The following CD9 variants were observed in gnomAD, a reference collection of about 807,000 sequenced individuals.
The protein encoded by CD9 is CD9 molecule.
Under a neutral mutation model 31.4 loss-of-function variants are expected in CD9, and 10 were observed. That is an observed-to-expected ratio of 0.32 (90% CI 0.20 to 0.54). CD9 has a LOEUF of 0.54. CD9 is among the 20% of genes least tolerant of loss of function. CD9 has a pLI of 0.94. For missense variants in CD9, 259 were observed against 300.1 expected, an observed-to-expected ratio of 0.86 and a Z score of 1.01; for synonymous variants, 113 against 114.1, an observed-to-expected ratio of 0.99 and a Z score of 0.06.
chr12:6,233,182 C>T (rs1403610029), intron 3 of CD9: 1 of 647,938 alleles, frequency 1.5e-6, no homozygotes, highest in Non-Finnish European at 2.8e-6. Context: ...CTCAGCTGTG[C>T]TCAGCTCTTT....
At chr12:6,228,681 C>G (rs749862490) in intron 2 of CD9, among the ~76,000 whole-genome samples, 1 of 152,128 alleles carries the variant, frequency 6.6e-6, no homozygotes, top group Non-Finnish European at 1.5e-5. Context: ...GGCAAAGGGC[C>G]AAGGAGGCGT....
chr12:6,200,539 C>T lies in CD9; in HGVS notation c.40C>T (p.Leu14=), dbSNP rs752053021. The T allele has an allele frequency of 3.7e-6, 6 of 1,610,674 alleles. No individual in the cohort carries two copies. Among genetic ancestry groups the T allele is most frequent in the Non-Finnish European group, 3.4e-6 (4 of 1,177,670 alleles). ...AGGCACCAAGTGCATCAAATACCTG[C>T]TGTTCGGATTTAACTTCATCTTCTG... ...KGGTKCIKYL[L]FGFNFIFWLA... is the part of the protein sequence containing the mutation. Residue 14 remains leucine (L), a synonymous_variant, in exon 1 of 8, where the codon CTG becomes TTG. Coordinates refer to ENST00000009180, the MANE Select transcript of CD9 (RefSeq NM_001769.4).
intron 1 of CD9, among the ~76,000 whole-genome samples, chr12:6,210,869 G>C (rs904014927): frequency 2.1e-5 from 3 of 140,046 alleles, no homozygotes; most frequent in Non-Finnish European, 3.0e-5. Flanking sequence ...AAGGAGTCTC[G>C]CTCTGTTGCC....
chr12:6,232,471 A>G lies in CD9; in HGVS notation c.176-161A>G. On this transcript the variant is annotated intron_variant, in intron 2 of 7. Coordinates refer to ENST00000009180, the MANE Select transcript of CD9 (RefSeq NM_001769.4). The surrounding 1 kb of genome is among the most constrained non-coding windows in gnomAD (Gnocchi z 4.8). ...AGGAGACCTGGGGCAGAGGTGGAAG[A>G]GGAGGCTGTATTTTAAGGAAAGGGA... The G allele has an allele frequency of 1.5e-6, 1 of 652,966 alleles. No homozygotes were observed. The allele number at this position is 652,966 out of a possible 1,614,324, so 40.4% of individuals were successfully genotyped here.
chr12:6,226,548 C>T (rs1348140627), intron 2 of CD9, among the ~76,000 whole-genome samples: 3 of 152,178 alleles, frequency 2.0e-5, no homozygotes, highest in Admixed American at 1.3e-4. Context: ...TGGCCAGCCA[C>T]GTAGACCTTC....
chr12:6,215,834 G>A (rs541870333), intron 1 of CD9, among the ~76,000 whole-genome samples: 1 of 152,348 alleles, frequency 6.6e-6, no homozygotes, highest in Admixed American at 6.5e-5. Context: ...AGTTTAGTTG[G>A]GACGCTTAAG....
At chr12:6,205,070 C>T (rs1946116077) in intron 1 of CD9, among the ~76,000 whole-genome samples, 1 of 152,224 alleles carries the variant, frequency 6.6e-6, no homozygotes, top group Non-Finnish European at 1.5e-5. Flanking sequence ...GCAAAAGCCC[C>T]TCCCCATGGT....
At chr12:6,223,008 A>G (rs1036423223) in intron 1 of CD9, among the ~76,000 whole-genome samples, 1 of 152,242 alleles carries the variant, frequency 6.6e-6, no homozygotes, top group African/African-American at 2.4e-5. Flanking sequence ...AGCCTAGAGC[A>G]AAAAGGACAG....
chr12:6,238,126 G>GT lies in CD9; in HGVS notation c.*298_*299insT. The GT allele has an allele frequency of 3.5e-6, 1 of 288,464 alleles. No individual in the cohort carries two copies. The highest frequency in any genetic ancestry group is 6.7e-6 in the Non-Finnish European group (1 of 149,196). 17.9% of individuals were successfully genotyped at this position (288,464 alleles called of 1,614,324 possible). A position where few individuals can be genotyped will look rare whatever the true frequency, so the allele number is the denominator to read the frequency against. On this transcript the variant is annotated 3_prime_UTR_variant, in exon 8 of 8. Transcript: ENST00000009180. ...TCCTGCAATGAAAGGTACTATATTT[G>GT]CTAGACTCTAGACAAGATATTGTAC...
At chr12:6,201,186 G>A (rs1261421980) in intron 1 of CD9, among the ~76,000 whole-genome samples, 1 of 152,192 alleles carries the variant, frequency 6.6e-6, no homozygotes, top group Non-Finnish European at 1.5e-5. Flanking sequence ...GCAGGCCCCC[G>A]TTCCCTCAGA....
At chr12:6,226,289 G>GTGCC (rs1371310771) in intron 2 of CD9, 1 of 152,164 alleles carries the variant, frequency 6.6e-6, no homozygotes, top group African/African-American at 2.4e-5. Context: ...GGGGAGCCTG[G>GTGCC]TGCCTGCCAA....
At chr12:6,236,108 G>C in intron 6 of CD9, 84 bp from the exon 7 acceptor site, 1 of 1,578,858 alleles carries the variant, frequency 6.3e-7, no homozygotes, top group Non-Finnish European at 8.6e-7. Flanking sequence ...CAGTTCTCCC[G>C]GGTGAGACGG....
At chr12:6,222,622 G>A (rs1377064661) in intron 1 of CD9, among the ~76,000 whole-genome samples, 3 of 152,368 alleles carry the variant, frequency 2.0e-5, no homozygotes, top group Non-Finnish European at 2.9e-5. Context: ...CGTGGTTCCA[G>A]TTCTCCAGCC....
rs1278479344 is a variant in CD9, at chr12:6,201,874, C to CA, written c.66+1316dup. 2.6e-5 allele frequency among the ~76,000 whole-genome samples: 4 copies of CA among 152,044 alleles called. No homozygotes were observed. The South Asian group carries it at 6.2e-4, about 24-fold the overall frequency. On this transcript the variant is annotated intron_variant, in intron 1 of 7. Coordinates refer to ENST00000009180, the MANE Select transcript of CD9 (RefSeq NM_001769.4). ...TAACATAGTGAGACCCCCATCTCCA[C>CA]AAAAAAATAAAAAATTAGCTGGGCG...
rs1418345845 is a variant in CD9, at chr12:6,228,580, AAC to A, written c.175+3048_175+3049del. Among the ~76,000 whole-genome samples the A allele has an allele frequency of 3.4e-5, 5 of 148,308 alleles. No homozygotes were observed. In the East Asian group the frequency reaches 8.6e-4, roughly 25 times the overall value. ...TCTCAAAAAAAAAAAAAAAAAAAAA[AAC>A]AGCAGCACAGCACTCTGAGCACTGC... On this transcript the variant is annotated intron_variant, in intron 2 of 7. Coordinates refer to ENST00000009180, the MANE Select transcript of CD9 (RefSeq NM_001769.4).
At chr12:6,202,009 C>T (rs1377155626) in intron 1 of CD9, among the ~76,000 whole-genome samples, 2 of 152,172 alleles carry the variant, frequency 1.3e-5, no homozygotes, top group Non-Finnish European at 2.9e-5. Context: ...CTGCACTTAG[C>T]CTGGGTGACC....
At chr12:6,206,945 T>C (rs1330203715) in intron 1 of CD9, among the ~76,000 whole-genome samples, 2 of 151,726 alleles carry the variant, frequency 1.3e-5, no homozygotes, top group Non-Finnish European at 2.9e-5. Context: ...GGCTGCAGTA[T>C]AGTGGCACCA....
intron 1 of CD9, among the ~76,000 whole-genome samples, chr12:6,221,660 C>T (rs1946293041): frequency 6.6e-6 from 1 of 151,924 alleles, no homozygotes; most frequent in Non-Finnish European, 1.5e-5. Context: ...CCTGGCCCCT[C>T]CCATTTAGTT....
At chr12:6,229,510 T>G (rs1314911870) in intron 2 of CD9, among the ~76,000 whole-genome samples, 2 of 152,190 alleles carry the variant, frequency 1.3e-5, no homozygotes, top group Non-Finnish European at 2.9e-5. Context: ...CTTATTCCCG[T>G]GAACTCGGGA....
Sources: gnomAD v4.1 joint callset for allele counts (sites outside exome capture counted in the v4.1 genomes callset) on GRCh38, gnomAD v4.1.1 for gene constraint, Gnocchi (gnomAD v3.1) non-coding constraint, MANE v1.5 for transcripts, NCBI Gene and HGNC (gene_info 2026-07-23, HGNC 2026-07-21) for gene names.